The following RNF220 variants were observed in gnomAD, a reference collection of about 807,000 sequenced individuals.
RNF220 encodes ring finger protein 220.
A neutral mutation model predicts 67.1 loss-of-function variants in RNF220; 7 were observed. The ratio of observed to expected loss-of-function variants is 0.10; its 90% CI spans 0.06 to 0.20. RNF220 has a LOEUF of 0.20. RNF220 is among the 10% of genes least tolerant of loss of function. RNF220 has a pLI of 1.00. For synonymous variants in RNF220, 270 were observed against 283.2 expected, an observed-to-expected ratio of 0.95 and a Z score of 0.47; for missense variants, 565 against 740.3, an observed-to-expected ratio of 0.76 and a Z score of 2.75.
intron 9 of RNF220, 50 bp from the exon 10 acceptor site, chr1:44,644,945 C>T: frequency 3.7e-6 from 6 of 1,603,086 alleles, no homozygotes; most frequent in Non-Finnish European, 5.1e-6. Context: ...GGATTCAACC[C>T]TCATAGCCTG....
intron 2 of RNF220, among the ~76,000 whole-genome samples, chr1:44,483,434 G>A (rs1421694952): frequency 6.6e-6 from 1 of 152,196 alleles, no homozygotes; most frequent in Non-Finnish European, 1.5e-5. Context: ...AATGGAGTCA[G>A]GAAAGGGAGA....
chr1:44,453,621 T>C (rs1304562041), intron 2 of RNF220, among the ~76,000 whole-genome samples: 1 of 152,078 alleles, frequency 6.6e-6, no homozygotes, highest in Admixed American at 6.6e-5. Flanking sequence ...GATTTCTAAA[T>C]ACAGAACCAT....
At chr1:44,441,027 A>C (rs1012281088) in intron 2 of RNF220, among the ~76,000 whole-genome samples, 4 of 152,030 alleles carry the variant, frequency 2.6e-5, no homozygotes, top group Non-Finnish European at 4.4e-5. Context: ...GTCAAGGGGG[A>C]CCCCTGGACA....
At chr1:44,456,661 C>G (rs1653213471) in intron 2 of RNF220, among the ~76,000 whole-genome samples, 1 of 152,176 alleles carries the variant, frequency 6.6e-6, no homozygotes, top group Admixed American at 6.5e-5. Flanking sequence ...CACTTCCTAT[C>G]TGTTGTCTAC....
At chr1:44,478,615 G>A (rs1262199636) in intron 2 of RNF220, among the ~76,000 whole-genome samples, 3 of 152,010 alleles carry the variant, frequency 2.0e-5, no homozygotes, top group African/African-American at 7.3e-5. Flanking sequence ...CCAGCTACTC[G>A]GGAGGCTGAG....
At chr1:44,503,225 T>C (rs1658090583) in intron 2 of RNF220, among the ~76,000 whole-genome samples, 1 of 150,014 alleles carries the variant, frequency 6.7e-6, no homozygotes, top group Non-Finnish European at 1.5e-5. Flanking sequence ...TCCCAGCTAT[T>C]TGGGAGGCTG....
chr1:44,632,268 G>T (rs1221415386), intron 5 of RNF220, 75 bp from the exon 6 acceptor site: 1 of 1,613,710 alleles, frequency 6.2e-7, no homozygotes, highest in Non-Finnish European at 8.5e-7. Context: ...CCGGTGCTGG[G>T]GCGGGGGCCA....
chr1:44,607,150 G>A (rs905149896), intron 2 of RNF220, among the ~76,000 whole-genome samples: 1 of 152,086 alleles, frequency 6.6e-6, no homozygotes, highest in African/African-American at 2.4e-5. Flanking sequence ...AGCCGCCATC[G>A]TCTCTCCCCT....
chr1:44,605,690 T>C (rs948885377), intron 2 of RNF220, among the ~76,000 whole-genome samples: 1 of 152,068 alleles, frequency 6.6e-6, no homozygotes, highest in African/African-American at 2.4e-5. Flanking sequence ...AGGCACCCAA[T>C]ACAGTCTGGA....
chr1:44,629,020 C>T (rs537400924), intron 5 of RNF220, among the ~76,000 whole-genome samples: 35 of 152,366 alleles, frequency 2.3e-4, no homozygotes, highest in Non-Finnish European at 4.1e-4. Flanking sequence ...ACTCATGCAG[C>T]TCATTCATCC....
chr1:44,628,952 C>T (rs1340706450), intron 5 of RNF220, among the ~76,000 whole-genome samples: 1 of 152,240 alleles, frequency 6.6e-6, no homozygotes, highest in African/African-American at 2.4e-5. Flanking sequence ...CATCCCAAAA[C>T]TTAGTGGCTT....
chr1:44,451,194 G>GAAAAAA (rs1351545686), intron 2 of RNF220, among the ~76,000 whole-genome samples: 2 of 77,692 alleles, frequency 2.6e-5, no homozygotes, highest in Non-Finnish European at 2.7e-5. Context: ...AAAAGAAAAA[G>GAAAAAA]AAAAAAAAAA....
chr1:44,610,091 G>A (rs1239564312), intron 2 of RNF220, among the ~76,000 whole-genome samples: 1 of 152,226 alleles, frequency 6.6e-6, no homozygotes, highest in East Asian at 1.9e-4. Flanking sequence ...TGGGGCGGTG[G>A]GGAGGGAGGT....
intron 2 of RNF220, among the ~76,000 whole-genome samples, chr1:44,523,409 A>G (rs1394873670): frequency 6.6e-6 from 1 of 152,082 alleles, no homozygotes; most frequent in Non-Finnish European, 1.5e-5. Flanking sequence ...CCTGAACCCT[A>G]GTTGGGAGCC....
chr1:44,433,052 C>T (rs1040679252), intron 2 of RNF220, among the ~76,000 whole-genome samples: 1 of 152,072 alleles, frequency 6.6e-6, no homozygotes, highest in African/African-American at 2.4e-5. Flanking sequence ...GCCTCAGCCT[C>T]ACAAGTAGCT....
At chr1:44,464,238 C>T (rs933168845) in intron 2 of RNF220, among the ~76,000 whole-genome samples, 20 of 152,148 alleles carry the variant, frequency 1.3e-4, no homozygotes, top group African/African-American at 3.4e-4. Flanking sequence ...TGAGATTCAG[C>T]GAGTCTAGGC....
chr1:44,515,981 A>C (rs1433348368), intron 2 of RNF220, among the ~76,000 whole-genome samples: 1 of 152,218 alleles, frequency 6.6e-6, no homozygotes, highest in Non-Finnish European at 1.5e-5. Context: ...TGCGGATCTG[A>C]AGATGAGACG....
chr1:44,511,906 C>CGTGTGTGCGT (rs1553234619), intron 2 of RNF220, among the ~76,000 whole-genome samples: 2 of 80,022 alleles, frequency 2.5e-5, no homozygotes, highest in African/African-American at 4.9e-5. Flanking sequence ...AATTGAGAAG[C>CGTGTGTGCGT]GTGTGTGTGC....
intron 2 of RNF220, among the ~76,000 whole-genome samples, chr1:44,418,363 G>C (rs1256033095): frequency 6.6e-6 from 1 of 152,218 alleles, no homozygotes; most frequent in Non-Finnish European, 1.5e-5. Flanking sequence ...GGACTCTGAG[G>C]CTTCTCCTTT....
Sources: gnomAD v4.1 joint callset for allele counts (sites outside exome capture counted in the v4.1 genomes callset) on GRCh38, gnomAD v4.1.1 for gene constraint, MANE v1.5 for transcripts, NCBI Gene and HGNC (gene_info 2026-07-23, HGNC 2026-07-21) for gene names.